The following PRKG2 variants were observed in gnomAD, a reference collection of about 807,000 sequenced individuals.
PRKG2 encodes the protein cGMP-dependent protein kinase 2.
A neutral mutation model predicts 97.2 loss-of-function variants in PRKG2; 33 were observed. The observed-to-expected ratio is 0.34, with a 90% CI of 0.26 to 0.45. The LOEUF (loss-of-function observed/expected upper bound fraction) is 0.45, where lower values mean the gene tolerates loss of function less well. PRKG2 is among the 20% of genes least tolerant of loss of function. PRKG2 has a pLI of 1.00. For synonymous variants in PRKG2, 330 were observed against 321.8 expected (o/e 1.03, Z -0.27); for missense variants, 638 against 900.0 (o/e 0.71, Z 3.73).
At chr4:81,189,508 A>G (rs1238797440) in intron 2 of PRKG2, among the ~76,000 whole-genome samples, 1 of 146,642 alleles carries the variant, frequency 6.8e-6, no homozygotes, top group Non-Finnish European at 1.5e-5. Context: ...AACTATCGCA[A>G]GAACAAAAAA....
Position 81,174,808 on chromosome 4 carries a change from T to C in PRKG2, c.613A>G (p.Ile205Val), listed in dbSNP as rs1750782004. 1 of 1,611,556 alleles carries C rather than the reference T, an allele frequency of 6.2e-7. No individual in the cohort carries two copies. The highest frequency in any genetic ancestry group is 8.5e-7 in the Non-Finnish European group (1 of 1,178,900). ...IIKQGEPGNHIFVLAEGRLEV... is the reference protein window; with the variant it reads ...IIKQGEPGNHVFVLAEGRLEV... ...TGAAACCCACCTGCCAGCACAAAGATATGGTTTCCTGGTTCTCCTTGCTTA... is the reference window on the plus strand; with the variant it reads ...TGAAACCCACCTGCCAGCACAAAGACATGGTTTCCTGGTTCTCCTTGCTTA... Residue 205 changes from isoleucine to valine, a missense_variant, in exon 3 of 19, where the codon ATC (isoleucine) becomes GTC (valine). Physicochemically the swap from Ile to Val is conservative, Grantham distance 29 (BLOSUM62 3). Coordinates refer to ENST00000264399, the MANE Select transcript of PRKG2 (RefSeq NM_006259.3).
intron 18 of PRKG2, 87 bp downstream of exon 18, chr4:81,092,299 G>T: frequency 1.4e-6 from 1 of 739,732 alleles, no homozygotes; most frequent in Non-Finnish European, 2.1e-6. Flanking sequence ...AATCTGTTAT[G>T]GGCATATACA....
chr4:81,154,807 G>A (rs930759414), intron 6 of PRKG2, among the ~76,000 whole-genome samples: 7 of 152,092 alleles, frequency 4.6e-5, no homozygotes, highest in Admixed American at 6.6e-5. Context: ...GGCTTCAGAC[G>A]ATCAAATTAC....
At chr4:81,103,968 T>C (rs555474589) in intron 17 of PRKG2, among the ~76,000 whole-genome samples, 54 of 152,182 alleles carry the variant, frequency 3.5e-4, no homozygotes, top group Non-Finnish European at 6.6e-4. Flanking sequence ...GAGGTGGAGA[T>C]TGCAATGAGC....
intron 2 of PRKG2, among the ~76,000 whole-genome samples, chr4:81,197,608 TATA>T (rs72458704): frequency 1.3e-5 from 2 of 151,760 alleles, no homozygotes; most frequent in Non-Finnish European, 2.9e-5. Context: ...ATAAGCCTCA[TATA>T]ATAATACTTA....
intron 1 of PRKG2, among the ~76,000 whole-genome samples, chr4:81,206,536 T>A (rs1445578221): frequency 6.6e-6 from 1 of 152,124 alleles, no homozygotes; most frequent in Non-Finnish European, 1.5e-5. Flanking sequence ...AATTACCCAG[T>A]CTCAGGTATG....
At chr4:81,165,412 G>A (rs936023687) in intron 6 of PRKG2, among the ~76,000 whole-genome samples, 3 of 152,104 alleles carry the variant, frequency 2.0e-5, no homozygotes, top group African/African-American at 7.2e-5. Context: ...AGATTATGGG[G>A]ACAGTTTGTG....
chr4:81,175,869 A>G (rs1395536794), intron 2 of PRKG2: 2 of 152,158 alleles, frequency 1.3e-5, no homozygotes, highest in Non-Finnish European at 2.9e-5. Flanking sequence ...TGCTGCAAGA[A>G]AAGATGCTCT....
chr4:81,203,416 C>T (rs1352357166), intron 2 of PRKG2, among the ~76,000 whole-genome samples: 1 of 152,074 alleles, frequency 6.6e-6, no homozygotes, highest in Non-Finnish European at 1.5e-5. Context: ...ATTAATTAAA[C>T]CTCCCTTTAT....
At chr4:81,102,209 G>A (rs1742874124) in intron 17 of PRKG2, among the ~76,000 whole-genome samples, 1 of 152,138 alleles carries the variant, frequency 6.6e-6, no homozygotes, top group Admixed American at 6.6e-5. Flanking sequence ...GCTATGCTGA[G>A]GTGAGAAAAT....
chr4:81,099,052 G>T (rs1359751702), intron 17 of PRKG2, among the ~76,000 whole-genome samples: 2 of 152,164 alleles, frequency 1.3e-5, no homozygotes, highest in African/African-American at 4.8e-5. Flanking sequence ...TGTCAGGAAA[G>T]ATGTCATTGT....
intron 6 of PRKG2, among the ~76,000 whole-genome samples, chr4:81,161,988 A>G (rs1161988407): frequency 6.6e-6 from 1 of 152,152 alleles, no homozygotes; most frequent in African/African-American, 2.4e-5. Flanking sequence ...ATGAAAGGCA[A>G]TGTTGCCTGA....
intron 2 of PRKG2, among the ~76,000 whole-genome samples, chr4:81,177,381 T>C (rs1419131129): frequency 2.0e-5 from 3 of 152,192 alleles, no homozygotes; most frequent in Admixed American, 6.5e-5. Flanking sequence ...CAAAAGTAGA[T>C]TATAAATTTA....
chr4:81,192,749 C>A (rs929128255), intron 2 of PRKG2, among the ~76,000 whole-genome samples: 3 of 151,708 alleles, frequency 2.0e-5, no homozygotes, highest in African/African-American at 7.3e-5. Flanking sequence ...GTTATGAAAA[C>A]CATAGAACAA....
At chr4:81,167,289 A>C (rs1750069466) in intron 5 of PRKG2, 65 bp from the exon 6 acceptor site, 1 of 1,025,280 alleles carries the variant, frequency 9.8e-7, no homozygotes, top group Non-Finnish European at 1.4e-6. Context: ...ACACATATGC[A>C]GATTCTAAAA....
At chr4:81,090,692 T>C (rs757236128) in intron 18 of PRKG2, among the ~76,000 whole-genome samples, 5 of 152,176 alleles carry the variant, frequency 3.3e-5, no homozygotes, top group Non-Finnish European at 7.4e-5. Flanking sequence ...TGATAGATCA[T>C]AATGTGGTGG....
chr4:81,185,237 G>A (rs755921264), intron 2 of PRKG2, among the ~76,000 whole-genome samples: 3 of 152,130 alleles, frequency 2.0e-5, no homozygotes, highest in Non-Finnish European at 4.4e-5. Context: ...GAAAGGTCGG[G>A]TTACTCACAA....
intron 17 of PRKG2, among the ~76,000 whole-genome samples, chr4:81,103,802 G>A (rs1163077952): frequency 6.6e-6 from 1 of 152,158 alleles, no homozygotes; most frequent in Non-Finnish European, 1.5e-5. Flanking sequence ...GGAGGCTGAG[G>A]CAGGTGGATC....
intron 3 of PRKG2, 96 bp downstream of exon 3, chr4:81,174,697 A>G: frequency 2.3e-6 from 3 of 1,284,826 alleles, no homozygotes; most frequent in Non-Finnish European, 3.2e-6. Flanking sequence ...GTTTTCTACA[A>G]ATAGAGCAAC....
Sources: allele counts gnomAD v4.1 joint callset (sites outside exome capture counted in the v4.1 genomes callset), GRCh38; gene constraint gnomAD v4.1.1; transcripts MANE v1.5; gene names NCBI Gene and HGNC (gene_info 2026-07-23, HGNC 2026-07-21).